Variants in SGIP1 observed in about 807,000 individuals in gnomAD.
SGIP1 encodes the protein SH3GL interacting endocytic adaptor 1.
SGIP1 carries 38 observed loss-of-function variants against 107.5 expected under a neutral mutation model. The observed-to-expected ratio is 0.35, with a 90% CI of 0.27 to 0.46. SGIP1 has a LOEUF of 0.46. Ranked by LOEUF, SGIP1 falls within the 20% of genes least tolerant of loss-of-function variation. The pLI, the probability that SGIP1 is intolerant of heterozygous loss-of-function variation, is 1.00. For missense variants in SGIP1, 929 were observed against 1,019.5 expected, an observed-to-expected ratio of 0.91 and a Z score of 1.21; for synonymous variants, 365 against 366.1, an observed-to-expected ratio of 1.00 and a Z score of 0.03.
At chr1:66,555,538 T>A (rs553963511) in intron 1 of SGIP1, among the ~76,000 whole-genome samples, 1 of 152,252 alleles carries the variant, frequency 6.6e-6, no homozygotes, top group South Asian at 2.1e-4. Flanking sequence ...GCTTAGTAAA[T>A]ATTGGTTGAA....
Position 66,719,411 on chromosome 1 carries a change from C to A in SGIP1, c.1742+6C>A, listed in dbSNP as rs771489546. 1.9e-6 allele frequency: 3 copies of A among 1,599,118 alleles called. No individual in the cohort carries two copies. Among genetic ancestry groups the A allele is most frequent in the South Asian group, 2.2e-5 (2 of 90,550 alleles). ...AAAGGAGCAGACCCAAGCAAGTAAGCCTGATACTTGGTCCATTGTACTTTC... is the reference window on the plus strand; with the variant it reads ...AAAGGAGCAGACCCAAGCAAGTAAGACTGATACTTGGTCCATTGTACTTTC... On this transcript the variant is annotated splice_donor_region_variant and intron_variant, in intron 19 of 24. Transcript: ENST00000371037.
chr1:66,653,914 GA>G (rs2079203160), intron 7 of SGIP1, among the ~76,000 whole-genome samples: 1 of 152,166 alleles, frequency 6.6e-6, no homozygotes, highest in Admixed American at 6.5e-5. Flanking sequence ...AACCAATTTT[GA>G]AAGTAAGTTT....
At position 66,637,847 on chromosome 1, in the gene SGIP1, A is replaced by G. The variant is rs574689806; in HGVS notation, c.171+1832A>G. 1.4e-4 allele frequency among the ~76,000 whole-genome samples: 21 copies of G among 150,458 alleles called. No individual in the cohort carries two copies. In the South Asian group the frequency reaches 4.0e-3, roughly 29 times the overall value. On this transcript the variant is annotated intron_variant, in intron 4 of 24. Transcript: ENST00000371037. ...TGTGTGTACATATACATACACACAT[A>G]TATACATACACACATACATACACAC... is the stretch of plus-strand genomic sequence containing the variant.
At chr1:66,713,817 C>G (rs565584995) in intron 18 of SGIP1, among the ~76,000 whole-genome samples, 21 of 152,186 alleles carry the variant, frequency 1.4e-4, no homozygotes, top group South Asian at 4.1e-4. Context: ...AACTTTATCT[C>G]CTATTGACAC....
At chr1:66,723,745 T>C in intron 19 of SGIP1, among the ~76,000 whole-genome samples, 1 of 152,212 alleles carries the variant, frequency 6.6e-6, no homozygotes, top group East Asian at 1.9e-4. Context: ...AATGTATGAA[T>C]TTATTTTTTA....
chr1:66,750,944 T>A lies in SGIP1; in HGVS notation c.*7849T>A, dbSNP rs1272009104. On this transcript the variant is annotated 3_prime_UTR_variant, in exon 25 of 25. Transcript: ENST00000371037. ...TTGTAAATAATAATTTTTGTAAATG[T>A]TTTTTGTTCATAATTTTCCCAATCA... Among the ~76,000 whole-genome samples, 3 of 152,214 alleles carry A rather than the reference T, an allele frequency of 2.0e-5. No homozygotes were observed. Among genetic ancestry groups the A allele is most frequent in the African/African-American group, 7.2e-5 (3 of 41,454 alleles).
At chr1:66,544,705 A>G (rs2055927882) in intron 1 of SGIP1, among the ~76,000 whole-genome samples, 1 of 152,128 alleles carries the variant, frequency 6.6e-6, no homozygotes, top group South Asian at 2.1e-4. Flanking sequence ...AAACATACAT[A>G]TAAAAAACCA....
Position 66,695,498 on chromosome 1 carries a change from G to A in SGIP1, c.1630+5G>A, listed in dbSNP as rs758637233. 6.2e-7 allele frequency: 1 copy of A among 1,613,774 alleles called. No individual in the cohort carries two copies. The highest frequency in any genetic ancestry group is 8.5e-7 in the Non-Finnish European group (1 of 1,179,736). Reference sequence around the variant, plus strand: ...AGTTTTATTTGACTTTTGAAGGTAAGTAGTGCATAGCATACCAGATTCTAA... The same window carrying A: ...AGTTTTATTTGACTTTTGAAGGTAAATAGTGCATAGCATACCAGATTCTAA... On this transcript the variant is annotated splice_donor_5th_base_variant and intron_variant, in intron 18 of 24. Coordinates refer to ENST00000371037, the MANE Select transcript of SGIP1 (RefSeq NM_032291.4).
At chr1:66,645,217 G>A (rs940242199) in intron 7 of SGIP1, among the ~76,000 whole-genome samples, 2 of 152,216 alleles carry the variant, frequency 1.3e-5, no homozygotes, top group African/African-American at 4.8e-5. Context: ...ACACATTTAT[G>A]TGAAAGCAAA....
upstream of SGIP1, chr1:66,533,794 C>T (rs1446460858): frequency 1.3e-5 from 2 of 153,038 alleles, no homozygotes; most frequent in Admixed American, 6.5e-5. Context: ...AAAAGAACCC[C>T]CTCCGCAGCG....
chr1:66,729,118 G>A, intron 19 of SGIP1, 146 bp from the exon 20 acceptor site: 2 of 919,060 alleles, frequency 2.2e-6, no homozygotes, highest in Non-Finnish European at 3.2e-6. Flanking sequence ...AGAAGTTAAA[G>A]TATTTTTTAA....
At chr1:66,598,860 C>A (rs757298613) in intron 1 of SGIP1, among the ~76,000 whole-genome samples, 1 of 152,148 alleles carries the variant, frequency 6.6e-6, no homozygotes, top group Non-Finnish European at 1.5e-5. Context: ...GGCAGGGACA[C>A]AAATCCAAAC....
At chr1:66,578,346 G>A (rs1038402709) in intron 1 of SGIP1, among the ~76,000 whole-genome samples, 2 of 152,144 alleles carry the variant, frequency 1.3e-5, no homozygotes, top group African/African-American at 4.8e-5. Flanking sequence ...AAAAGATCAG[G>A]TCCTATTCAT....
intron 10 of SGIP1, among the ~76,000 whole-genome samples, chr1:66,671,632 T>C (rs980026981): frequency 1.3e-5 from 2 of 152,144 alleles, no homozygotes; most frequent in African/African-American, 2.4e-5. Context: ...GCAGAACCAG[T>C]CAAGGCAGCA....
chr1:66,694,549 A>C, intron 17 of SGIP1: 1 of 1,471,396 alleles, frequency 6.8e-7, no homozygotes, highest in East Asian at 2.4e-5. Flanking sequence ...GATTCCAAAA[A>C]TCCAAGCCAT....
In SGIP1 at chr1:66,749,677, C is replaced by T. The variant is rs968706053; in HGVS notation, c.*6582C>T. ...TCATAAGCCATTTATAATTTTTAAA[C>T]GTTCCATTGAATGAGTATATCATAC... On this transcript the variant is annotated 3_prime_UTR_variant, in exon 25 of 25. Transcript: ENST00000371037. Among the ~76,000 whole-genome samples the T allele has an allele frequency of 1.3e-5, 2 of 152,022 alleles. No homozygotes were observed. The highest frequency in any genetic ancestry group is 2.9e-5 in the Non-Finnish European group (2 of 67,928).
At position 66,728,762 on chromosome 1, in the gene SGIP1, C is replaced by T. The variant is rs542450848; in HGVS notation, c.1743-502C>T. On this transcript the variant is annotated intron_variant, in intron 19 of 24. Transcript: ENST00000371037. ...TGTGTTACATATACACCATGGAATA[C>T]TATGCAGCCATAAAAAAAGAATGAG... Among the ~76,000 whole-genome samples, 5 of 152,214 alleles carry T rather than the reference C, an allele frequency of 3.3e-5. No homozygotes were observed. The East Asian group carries it at 9.6e-4, about 29-fold the overall frequency.
intron 1 of SGIP1, among the ~76,000 whole-genome samples, chr1:66,557,877 A>C (rs1240880413): frequency 6.6e-6 from 1 of 152,158 alleles, no homozygotes; most frequent in Non-Finnish European, 1.5e-5. Context: ...TTTGTGATTC[A>C]GTTTTAAATA....
chr1:66,684,298 T>C lies in SGIP1; in HGVS notation c.1315+1929T>C, dbSNP rs987350565. On this transcript the variant is annotated intron_variant, in intron 15 of 24. Transcript: ENST00000371037. ...TTTGACTACTGACACCCATCTACAC[T>C]GCACAGTGTCATCGACAAGATCACC... 50 of 1,447,920 alleles carry C rather than the reference T, an allele frequency of 3.5e-5. No individual in the cohort carries two copies. The Admixed American group carries it at 1.1e-3, about 31-fold the overall frequency. The allele number at this position is 1,447,920 out of a possible 1,614,324, so 89.7% of individuals were successfully genotyped here.
Sources: gnomAD v4.1 joint callset for allele counts (sites outside exome capture counted in the v4.1 genomes callset) on GRCh38, gnomAD v4.1.1 for gene constraint, MANE v1.5 for transcripts, NCBI Gene and HGNC (gene_info 2026-07-23, HGNC 2026-07-21) for gene names.